CADM2: variants seen among roughly 807,000 people sequenced by gnomAD.
The protein encoded by CADM2 is cell adhesion molecule 2.
Under a neutral mutation model 49.8 loss-of-function variants are expected in CADM2, and 12 were observed. The ratio of observed to expected loss-of-function variants is 0.24; its 90% confidence interval spans 0.15 to 0.39. The LOEUF is 0.39. CADM2 is among the 10% of genes least tolerant of loss of function. The probability of loss-of-function intolerance (pLI) is 1.00; values close to 1 mark genes in which losing one functional copy is unlikely to be tolerated. For missense variants in CADM2, 378 were observed against 492.3 expected (o/e 0.77, Z 2.20); for synonymous variants, 214 against 175.4 (o/e 1.22, Z -1.74).
chr3:85,867,435 C>T (rs1386701063), intron 3 of CADM2, among the ~76,000 whole-genome samples: 2 of 151,896 alleles, frequency 1.3e-5, no homozygotes, highest in Non-Finnish European at 2.9e-5. Flanking sequence ...ATTATTTTAT[C>T]GTGGAAATAT....
chr3:84,973,359 T>C (rs140868972), intron 1 of CADM2, among the ~76,000 whole-genome samples: 6 of 152,316 alleles, frequency 3.9e-5, no homozygotes, highest in African/African-American at 1.4e-4. Context: ...AACATTTTTT[T>C]TTTAAATTTA....
At chr3:85,764,715 G>T (rs2069570082) in intron 2 of CADM2, among the ~76,000 whole-genome samples, 1 of 151,938 alleles carries the variant, frequency 6.6e-6, no homozygotes, top group South Asian at 2.1e-4. Context: ...AATAACCTTT[G>T]TTACTCCTAA....
intron 7 of CADM2, among the ~76,000 whole-genome samples, chr3:85,958,376 G>T (rs1291347433): frequency 6.6e-6 from 1 of 151,926 alleles, no homozygotes; most frequent in East Asian, 1.9e-4. Flanking sequence ...AACCATTGTG[G>T]CAGGCACTGT....
chr3:85,690,945 G>A (rs2066365823), intron 1 of CADM2, among the ~76,000 whole-genome samples: 2 of 152,082 alleles, frequency 1.3e-5, no homozygotes, highest in South Asian at 4.1e-4. Flanking sequence ...CTCTCTTCTA[G>A]CTATTTTGCC....
intron 3 of CADM2, among the ~76,000 whole-genome samples, chr3:85,817,938 T>G (rs1429274086): frequency 6.6e-6 from 1 of 151,990 alleles, no homozygotes; most frequent in Non-Finnish European, 1.5e-5. Context: ...TTTGAAACAT[T>G]GGAAAATAAA....
intron 1 of CADM2, among the ~76,000 whole-genome samples, chr3:85,641,906 G>A (rs143924538): frequency 0.016 from 2,394 of 152,126 alleles, 57 homozygotes; most frequent in African/African-American, 0.054. Flanking sequence ...ACTCCAGCCT[G>A]GGCAACAGAG....
At chr3:85,190,568 T>A (rs918919669) in intron 1 of CADM2, among the ~76,000 whole-genome samples, 3 of 152,154 alleles carry the variant, frequency 2.0e-5, no homozygotes, top group Non-Finnish European at 4.4e-5. Context: ...TGACATTATA[T>A]TATTCCCCAA....
At chr3:85,181,185 G>T (rs964429766) in intron 1 of CADM2, among the ~76,000 whole-genome samples, 3 of 152,050 alleles carry the variant, frequency 2.0e-5, no homozygotes, top group African/African-American at 4.8e-5. Context: ...ATACAAATAA[G>T]CATGGCATAT....
At chr3:85,726,918 T>A (rs2067721251) in intron 2 of CADM2, among the ~76,000 whole-genome samples, 1 of 152,076 alleles carries the variant, frequency 6.6e-6, no homozygotes, top group African/African-American at 2.4e-5. Context: ...CAAAAATGAG[T>A]ATGCTTTTAT....
At chr3:85,566,269 A>G (rs1260333982) in intron 1 of CADM2, among the ~76,000 whole-genome samples, 1 of 152,160 alleles carries the variant, frequency 6.6e-6, no homozygotes, top group Non-Finnish European at 1.5e-5. Flanking sequence ...ATTCCTTTCT[A>G]GAAAACAATA....
At chr3:86,040,207 C>T (rs981281865) in intron 8 of CADM2, among the ~76,000 whole-genome samples, 1 of 152,150 alleles carries the variant, frequency 6.6e-6, no homozygotes. Context: ...CACCTCCTCA[C>T]CAGCAACAGA....
intron 1 of CADM2, among the ~76,000 whole-genome samples, chr3:85,115,949 G>A (rs2038621834): frequency 6.6e-6 from 1 of 152,168 alleles, no homozygotes; most frequent in Non-Finnish European, 1.5e-5. Context: ...CCTAGTAACT[G>A]AATAACATCA....
intron 1 of CADM2, among the ~76,000 whole-genome samples, chr3:85,527,174 T>A (rs1288716959): frequency 6.6e-6 from 1 of 151,830 alleles, no homozygotes; most frequent in Non-Finnish European, 1.5e-5. Flanking sequence ...TAGCTTGCAG[T>A]GAGAAATTTG....
At chr3:85,809,611 T>C (rs1213747561) in intron 3 of CADM2, among the ~76,000 whole-genome samples, 2 of 151,942 alleles carry the variant, frequency 1.3e-5, no homozygotes, top group Non-Finnish European at 2.9e-5. Context: ...TTACGACAAG[T>C]CTAATTCACT....
At chr3:85,222,178 C>T (rs974380612) in intron 1 of CADM2, among the ~76,000 whole-genome samples, 1 of 152,078 alleles carries the variant, frequency 6.6e-6, no homozygotes, top group African/African-American at 2.4e-5. Flanking sequence ...CTGTGACCAG[C>T]GTGAGAATAC....
intron 1 of CADM2, among the ~76,000 whole-genome samples, chr3:85,366,678 A>G (rs897944376): frequency 6.6e-6 from 1 of 152,170 alleles, no homozygotes; most frequent in Admixed American, 6.6e-5. Context: ...TTTGTTTTAA[A>G]TGACTTGAAA....
intron 1 of CADM2, among the ~76,000 whole-genome samples, chr3:85,588,247 G>T (rs1005460397): frequency 7.2e-5 from 11 of 152,022 alleles, no homozygotes; most frequent in Admixed American, 7.2e-4. Context: ...ACTGTTGATG[G>T]TGCATAGACA....
chr3:85,559,666 AC>A lies in CADM2; in HGVS notation c.62-166855del, dbSNP rs2062042967. 3.3e-5 allele frequency among the ~76,000 whole-genome samples: 3 copies of A among 92,206 alleles called. No homozygotes were observed. The East Asian group carries it at 2.2e-3, about 68-fold the overall frequency. The allele number at this position is 92,206 out of a possible 152,430, so 60.5% of individuals were successfully genotyped here. A position where few individuals can be genotyped will look rare whatever the true frequency, so the allele number is the denominator to read the frequency against. On this transcript the variant is annotated intron_variant, in intron 1 of 9. Transcript: ENST00000383699. Reference sequence around the variant, plus strand: ...CATGATTTAAAAGAAACACACACACACACACACACACACACACACACATATA... The same window carrying A: ...CATGATTTAAAAGAAACACACACACAACACACACACACACACACACATATA...
At position 85,216,304 on chromosome 3, in the gene CADM2, A is replaced by G. The variant is rs552973879; in HGVS notation, c.61+256636A>G. Reference sequence around the variant, plus strand: ...ATATATTTATATTTAATATATTTATATATATTTAACATATTAATATATATT... The same window carrying G: ...ATATATTTATATTTAATATATTTATGTATATTTAACATATTAATATATATT... On this transcript the variant is annotated intron_variant, in intron 1 of 9. Coordinates refer to ENST00000383699, the MANE Select transcript of CADM2 (RefSeq NM_001167675.2). Among the ~76,000 whole-genome samples the G allele has an allele frequency of 4.8e-5, 7 of 146,970 alleles. No homozygotes were observed. The South Asian group carries it at 1.5e-3, about 31-fold the overall frequency.
Sources: allele counts gnomAD v4.1 joint callset (sites outside exome capture counted in the v4.1 genomes callset), GRCh38; gene constraint gnomAD v4.1.1; transcripts MANE v1.5; gene names NCBI Gene and HGNC (gene_info 2026-07-23, HGNC 2026-07-21).